The following LRRTM4 variants were observed in gnomAD, a reference collection of about 807,000 sequenced individuals.
The protein encoded by LRRTM4 is leucine rich repeat transmembrane neuronal 4.
Under a neutral mutation model 47.6 loss-of-function variants are expected in LRRTM4, and 25 were observed. The ratio of observed to expected loss-of-function variants is 0.53; its 90% CI spans 0.38 to 0.73. LRRTM4 has a LOEUF of 0.73. Among genes scored for constraint, LRRTM4 ranks in the 30% least tolerant of loss-of-function variants. The probability of loss-of-function intolerance (pLI) is 0.00; values close to 1 mark genes in which losing one functional copy is unlikely to be tolerated. For synonymous variants in LRRTM4, 311 were observed against 269.5 expected, an observed-to-expected ratio of 1.15 and a Z score of -1.51; for missense variants, 638 against 713.4, an observed-to-expected ratio of 0.89 and a Z score of 1.20.
intron 3 of LRRTM4, among the ~76,000 whole-genome samples, chr2:77,050,676 T>C (rs62170911): frequency 0.12 from 19,023 of 152,196 alleles, 1,435 homozygotes; most frequent in Admixed American, 0.19. Flanking sequence ...ATCTTGAATA[T>C]TGCAAAATAC....
rs58469429 is a variant in LRRTM4, at chr2:76,873,506, GTATATA to G, written c.1552-124596_1552-124591del. Among the ~76,000 whole-genome samples, 15 of 112,312 alleles carry G rather than the reference GTATATA, an allele frequency of 1.3e-4. No homozygotes were observed. In the South Asian group the frequency reaches 3.0e-3, roughly 23 times the overall value. 73.7% of individuals were successfully genotyped at this position (112,312 alleles called of 152,430 possible). A position where few individuals can be genotyped will look rare whatever the true frequency, so the allele number is the denominator to read the frequency against. ...TATGTGTGTGTGTATATATATGTGT[GTATATA>G]TATATATATATATATATATATACAA... is the stretch of plus-strand genomic sequence containing the variant. On this transcript the variant is annotated intron_variant, in intron 3 of 3. Coordinates refer to ENST00000409884, the MANE Select transcript of LRRTM4 (RefSeq NM_001134745.3).
chr2:77,310,135 T>G (rs1677410759), intron 3 of LRRTM4, among the ~76,000 whole-genome samples: 1 of 152,140 alleles, frequency 6.6e-6, no homozygotes, highest in South Asian at 2.1e-4. Context: ...AATGAAGTTA[T>G]AAAACTATAT....
chr2:76,815,014 G>C (rs1317861995), intron 3 of LRRTM4, among the ~76,000 whole-genome samples: 1 of 152,040 alleles, frequency 6.6e-6, no homozygotes, highest in Non-Finnish European at 1.5e-5. Context: ...GGTGTGGCGG[G>C]GTGGAGATGA....
chr2:77,083,435 T>A (rs1327216295), intron 3 of LRRTM4, among the ~76,000 whole-genome samples: 1 of 152,084 alleles, frequency 6.6e-6, no homozygotes, highest in Admixed American at 6.6e-5. Flanking sequence ...GAACTTGTAG[T>A]CAATAAAAAA....
chr2:77,162,568 C>A (rs966692002), intron 3 of LRRTM4, among the ~76,000 whole-genome samples: 1 of 152,278 alleles, frequency 6.6e-6, no homozygotes, highest in African/African-American at 2.4e-5. Context: ...GGAGGCACCT[C>A]CCAGTAGGGA....
chr2:77,313,330 C>T (rs765656722), intron 3 of LRRTM4, among the ~76,000 whole-genome samples: 2 of 86,198 alleles, frequency 2.3e-5, no homozygotes, highest in African/African-American at 9.2e-5. Flanking sequence ...GCCCCCCTAC[C>T]TTTTCCTGGG....
chr2:76,970,431 A>C (rs1022608702), intron 3 of LRRTM4, among the ~76,000 whole-genome samples: 1 of 152,026 alleles, frequency 6.6e-6, no homozygotes, highest in Non-Finnish European at 1.5e-5. Flanking sequence ...TTTCCTATTA[A>C]AGTGATAAGC....
intron 3 of LRRTM4, among the ~76,000 whole-genome samples, chr2:77,123,563 T>C (rs1360303292): frequency 6.6e-6 from 1 of 152,100 alleles, no homozygotes; most frequent in African/African-American, 2.4e-5. Context: ...AATCTTGGCC[T>C]TAACTATCAT....
At chr2:77,187,540 G>A (rs969035964) in intron 3 of LRRTM4, among the ~76,000 whole-genome samples, 9 of 151,482 alleles carry the variant, frequency 5.9e-5, no homozygotes, top group African/African-American at 2.2e-4. Flanking sequence ...CGAGTTAATG[G>A]GTGCAGCACA....
intron 3 of LRRTM4, among the ~76,000 whole-genome samples, chr2:77,328,608 A>C (rs181242919): frequency 2.4e-4 from 36 of 152,294 alleles, no homozygotes; most frequent in African/African-American, 8.4e-4. Flanking sequence ...ACAGTTTCTA[A>C]AACTATAACT....
intron 3 of LRRTM4, among the ~76,000 whole-genome samples, chr2:77,085,149 C>T (rs890744077): frequency 1.3e-5 from 2 of 151,980 alleles, no homozygotes; most frequent in Admixed American, 1.3e-4. Context: ...TTAGATACAA[C>T]TAAATTTATG....
At chr2:77,517,316 A>G in intron 3 of LRRTM4, 1 of 983,744 alleles carries the variant, frequency 1.0e-6, no homozygotes, top group South Asian at 4.7e-5. Flanking sequence ...AGGCTGTTAC[A>G]GAAAGGGAGG....
At chr2:76,766,000 G>C (rs992045224) in intron 3 of LRRTM4, among the ~76,000 whole-genome samples, 5 of 152,206 alleles carry the variant, frequency 3.3e-5, no homozygotes, top group Admixed American at 2.6e-4. Context: ...GGTGGCTTTA[G>C]TGGAATTTAT....
At chr2:77,054,590 T>C (rs903204649) in intron 3 of LRRTM4, among the ~76,000 whole-genome samples, 26 of 152,076 alleles carry the variant, frequency 1.7e-4, no homozygotes, top group African/African-American at 6.3e-4. Context: ...CAGAGAAAAA[T>C]TCCCAAACTA....
chr2:76,968,598 T>A (rs1398998599), intron 3 of LRRTM4, among the ~76,000 whole-genome samples: 1 of 151,496 alleles, frequency 6.6e-6, no homozygotes, highest in African/African-American at 2.4e-5. Context: ...TTTTGCTTTT[T>A]AGCTAACTAT....
At chr2:76,817,713 T>C (rs1488598422) in intron 3 of LRRTM4, among the ~76,000 whole-genome samples, 1 of 151,944 alleles carries the variant, frequency 6.6e-6, no homozygotes, top group Non-Finnish European at 1.5e-5. Flanking sequence ...AAAACTTCCT[T>C]TAGTATCATT....
intron 3 of LRRTM4, among the ~76,000 whole-genome samples, chr2:76,934,709 C>A (rs1453926529): frequency 6.6e-6 from 1 of 152,182 alleles, no homozygotes; most frequent in Non-Finnish European, 1.5e-5. Flanking sequence ...GGAAACAGCT[C>A]ACCACTACTC....
intron 3 of LRRTM4, among the ~76,000 whole-genome samples, chr2:76,831,813 TA>T (rs906213853): frequency 3.9e-5 from 6 of 152,158 alleles, no homozygotes; most frequent in Admixed American, 2.0e-4. Flanking sequence ...TAGCTTTTTT[TA>T]AAAAAAATTG....
intron 3 of LRRTM4, among the ~76,000 whole-genome samples, chr2:77,507,254 G>T (rs1216139088): frequency 1.3e-5 from 2 of 152,028 alleles, no homozygotes; most frequent in African/African-American, 2.4e-5. Flanking sequence ...GTCAAACATT[G>T]TAGGATAAAA....
Sources: gnomAD v4.1 joint callset for allele counts (sites outside exome capture counted in the v4.1 genomes callset) on GRCh38, gnomAD v4.1.1 for gene constraint, MANE v1.5 for transcripts, NCBI Gene and HGNC (gene_info 2026-07-23, HGNC 2026-07-21) for gene names.